The following CEP170B variants were observed in gnomAD, a reference collection of about 807,000 sequenced individuals.
CEP170B encodes centrosomal protein of 170 kDa protein B.
A neutral mutation model predicts 120.6 loss-of-function variants in CEP170B; 55 were observed. The ratio of observed to expected loss-of-function variants is 0.46; its 90% CI spans 0.37 to 0.57. The LOEUF (loss-of-function observed/expected upper bound fraction) is 0.57. CEP170B is among the 20% of genes least tolerant of loss of function. The probability of loss-of-function intolerance (pLI) is 0.00; values close to 1 mark genes in which losing one functional copy is unlikely to be tolerated. For synonymous variants in CEP170B, 1,033 were observed against 954.5 expected, an observed-to-expected ratio of 1.08 and a Z score of -1.52; for missense variants, 2,212 against 2,253.3, an observed-to-expected ratio of 0.98 and a Z score of 0.37.
At position 104,883,062 on chromosome 14, in the gene CEP170B, A is replaced by T. The variant is rs1435410800; in HGVS notation, c.605A>T (p.Asp202Val). ...PERPKGPVQQ[D>V]GELHGFRAPA... ...CGCCCCAAGGGACCAGTGCAGCAGG[A>T]CGGGGAGCTCCACGGCTTCCGCGCC... The change falls in exon 8 of 19, where the codon GAC becomes GTC. Residue 202 changes from aspartate to valine, a missense_variant. Physicochemically the swap from Asp to Val is radical, Grantham distance 152 (BLOSUM62 -3). This residue lies in a region of CEP170B where 2,166 missense variants were observed against 2,166.7 expected (regional missense o/e 1.00). Transcript: ENST00000414716. 3 of 1,547,634 alleles carry T rather than the reference A, an allele frequency of 1.9e-6. No individual in the cohort carries two copies. Among genetic ancestry groups the T allele is most frequent in the Non-Finnish European group, 2.6e-6 (3 of 1,149,842 alleles).
At chr14:104,869,500 C>T (rs910341658) in intron 2 of CEP170B, among the ~76,000 whole-genome samples, 2 of 152,190 alleles carry the variant, frequency 1.3e-5, no homozygotes, top group Non-Finnish European at 1.5e-5. Context: ...CTGGGGCAGA[C>T]AGTGTTTGTC....
In CEP170B at chr14:104,878,433, A is replaced by G. The variant is rs774932129; in HGVS notation, c.275-10A>G. ...TCTTCTGCTCTGTGTTCGCCTTAAC[A>G]CGTGTCCACATTCCAACATGTATGT... On this transcript the variant is annotated splice_polypyrimidine_tract_variant and intron_variant, in intron 4 of 18. Transcript: ENST00000414716. The G allele has an allele frequency of 3.7e-6, 6 of 1,612,340 alleles. No individual in the cohort carries two copies. In the African/African-American group the frequency reaches 8.0e-5, roughly 22 times the overall value.
At chr14:104,885,223 C>T in intron 9 of CEP170B, 146 bp from the exon 10 acceptor site, 1 of 861,222 alleles carries the variant, frequency 1.2e-6, no homozygotes, top group Middle Eastern at 3.6e-4. Context: ...GTCCTGCTGA[C>T]AGCCAGGCTG....
At position 104,868,700 on chromosome 14, in the gene CEP170B, T is replaced by TA; in HGVS notation, c.105+145_105+146insA. ...CCCAGGCTGGGCCTCTTAACTTGGG[T>TA]CCCGGATGCACCGAGGGCTCTGGGG... On this transcript the variant is annotated intron_variant, in intron 2 of 18. Coordinates refer to ENST00000414716, the MANE Select transcript of CEP170B (RefSeq NM_001112726.3). This position sits in a 1 kb window ranked among gnomAD's most constrained non-coding sequence, Gnocchi z 5.9. 1.3e-6 allele frequency: 1 copy of TA among 769,244 alleles called. No individual in the cohort carries two copies. Among genetic ancestry groups the TA allele is most frequent in the South Asian group, 1.8e-5 (1 of 55,610 alleles). The allele number at this position is 769,244 out of a possible 1,614,324, so 47.7% of individuals were successfully genotyped here.
chr14:104,888,019 G>A, intron 12 of CEP170B, 41 bp downstream of exon 12: 1 of 1,447,450 alleles, frequency 6.9e-7, no homozygotes, highest in Non-Finnish European at 9.1e-7. Context: ...CCAAGACAGG[G>A]CTGCCAGTGG....
intron 10 of CEP170B, 134 bp from the exon 11 acceptor site, chr14:104,885,906 T>G: frequency 1.2e-6 from 1 of 811,396 alleles, no homozygotes; most frequent in Middle Eastern, 2.4e-4. Context: ...CGCTTGCTCA[T>G]GCGGCAGGCC....
Position 104,893,034 on chromosome 14 carries a change from G to A in CEP170B, c.3937G>A (p.Ala1313Thr). The A allele has an allele frequency of 4.4e-6, 7 of 1,590,932 alleles. No individual in the cohort carries two copies. The highest frequency in any genetic ancestry group is 6.0e-6 in the Non-Finnish European group (7 of 1,170,434). Residue 1313 changes from alanine to threonine, a missense_variant, in exon 14 of 19, where the codon GCT becomes ACT. This residue lies in a region of CEP170B where 2,166 missense variants were observed against 2,166.7 expected (regional missense o/e 1.00). Coordinates refer to ENST00000414716, the MANE Select transcript of CEP170B (RefSeq NM_001112726.3). The part of the protein sequence containing the change: ...AILAQEIHDV[A>T]GDGDTLGSSE... ...CCTAGCCCAGGAGATCCACGATGTG[G>A]CTGGGGACGGTGACACACTGGGCTC...
Position 104,894,374 on chromosome 14 carries a change from A to G in CEP170B, c.4361A>G (p.Asn1454Ser). 1 of 1,613,154 alleles carries G rather than the reference A, an allele frequency of 6.2e-7. No homozygotes were observed. ...ENEVPILKTS[N>S]KEISSILKEL... ...GAGGTGCCCATCCTGAAGACATCTA[A>G]CAAGGTGAGCGCTGGGGCCCCGTGC... The change falls in exon 17 of 19, where the codon AAC (asparagine) becomes AGC (serine). Residue 1454 changes from asparagine (N) to serine (S), a missense_variant. Physicochemically the swap from Asn to Ser is conservative, Grantham distance 46. Around this residue, in one of 2 missense-constraint regions of CEP170B, gnomAD observed 2,166 missense variants for 2,166.7 expected, o/e 1.00. Transcript: ENST00000414716.
chr14:104,889,071 T>A (rs1471588219), intron 12 of CEP170B, among the ~76,000 whole-genome samples: 1 of 152,166 alleles, frequency 6.6e-6, no homozygotes, highest in East Asian at 1.9e-4. Context: ...TCTGACAAAC[T>A]CAAGCAGGCA....
intron 16 of CEP170B, 144 bp from the exon 17 acceptor site, chr14:104,894,141 A>G: frequency 1.4e-6 from 1 of 697,854 alleles, no homozygotes; most frequent in Non-Finnish European, 2.5e-6. Context: ...GGTGCCCTTC[A>G]TGCATCAGGC....
rs62641742 is a variant in CEP170B at position 104,892,956 on chromosome 14, G to A, written c.3879-20G>A. On this transcript the variant is annotated intron_variant, in intron 13 of 18. Transcript: ENST00000414716. ...CGACTTCCTCTGTGCAGAACCTGCC[G>A]TCTTTCCTGCCGGCTGCAGGCTGAG... 7,267 of 1,554,032 alleles carry A rather than the reference G, an allele frequency of 4.7e-3. 298 individuals carry two copies. The African/African-American group carries it at 0.087, about 19-fold the overall frequency.
rs558639086 is a variant in CEP170B at position 104,889,616 on chromosome 14, A to G, written c.3740-4A>G. The G allele has an allele frequency of 2.1e-4, 341 of 1,609,966 alleles. 2 individuals carry two copies. The highest frequency in any genetic ancestry group is 2.7e-4 in the Non-Finnish European group (321 of 1,179,630). ...CAAACACACACGCTCCCACACCTCAACAGCCACTCAGACCCCGAGGGCTGG... is the reference window on the plus strand; with the variant it reads ...CAAACACACACGCTCCCACACCTCAGCAGCCACTCAGACCCCGAGGGCTGG... On this transcript the variant is annotated splice_polypyrimidine_tract_variant and splice_region_variant and intron_variant, in intron 12 of 18. Coordinates refer to ENST00000414716, the MANE Select transcript of CEP170B (RefSeq NM_001112726.3).
In CEP170B at chr14:104,887,956, A is replaced by G. The variant is rs2582548; in HGVS notation, c.3717A>G (p.Ser1239=). ...GPRQPFSRAR[S]GSARYTSTTQ... ...GCCAGCCCTTCAGCAGGGCCCGCTC[A>G]GGCAGTGCCCGATACACCTCCAGTG... The change falls in exon 12 of 19, where the codon TCA becomes TCG. Residue 1239 remains serine (S), a synonymous_variant. Coordinates refer to ENST00000414716, the MANE Select transcript of CEP170B (RefSeq NM_001112726.3). The G allele has an allele frequency of 0.74, 1,126,705 of 1,521,516 alleles. 427,457 individuals carry two copies. The highest frequency in any genetic ancestry group is 0.82 in the Middle Eastern group (4,744 of 5,784). The allele number at this position is 1,521,516 out of a possible 1,614,324, so 94.3% of individuals were successfully genotyped here.
intron 5 of CEP170B, among the ~76,000 whole-genome samples, chr14:104,879,512 C>T (rs754937591): frequency 1.3e-5 from 2 of 152,160 alleles, no homozygotes; most frequent in African/African-American, 2.4e-5. Flanking sequence ...TTTTACGCTG[C>T]ACGACCAAGG....
Position 104,895,159 on chromosome 14 carries a change from C to A in CEP170B, c.*201C>A. On this transcript the variant is annotated 3_prime_UTR_variant, in exon 19 of 19. Transcript: ENST00000414716. Reference sequence around the variant, plus strand: ...CTACTCACCCTGTCCAGCCCCATGGCCACCCCCACCCCTGCCTCGCCCCCT... The same window carrying A: ...CTACTCACCCTGTCCAGCCCCATGGACACCCCCACCCCTGCCTCGCCCCCT... 1 of 568,384 alleles carries A rather than the reference C, an allele frequency of 1.8e-6. No homozygotes were observed. The highest frequency in any genetic ancestry group is 3.0e-6 in the Non-Finnish European group (1 of 334,858). 35.2% of individuals were successfully genotyped at this position (568,384 alleles called of 1,614,324 possible). A position where few individuals can be genotyped will look rare whatever the true frequency, so the allele number is the denominator to read the frequency against.
intron 13 of CEP170B, among the ~76,000 whole-genome samples, chr14:104,892,293 G>A (rs1165057731): frequency 6.6e-6 from 1 of 152,154 alleles, no homozygotes; most frequent in Non-Finnish European, 1.5e-5. Flanking sequence ...CCCTGTCCTC[G>A]CTGGGAAGTG....
chr14:104,880,954 T>C (rs2140677387), intron 6 of CEP170B, among the ~76,000 whole-genome samples: 1 of 152,328 alleles, frequency 6.6e-6, no homozygotes, highest in African/African-American at 2.4e-5. Context: ...CACCTACCTG[T>C]GCACGCCTGC....
chr14:104,884,009 C>T lies in CEP170B; in HGVS notation c.1230C>T (p.Asp410=), dbSNP rs745392077. 189 of 1,610,930 alleles carry T rather than the reference C, an allele frequency of 1.2e-4. No individual in the cohort carries two copies. Among genetic ancestry groups the T allele is most frequent in the Non-Finnish European group, 1.4e-4 (170 of 1,179,008 alleles). ...AGGCCTTTGTCATCGAGTTCTTCGA[C>T]GAGGACACACCCCGAAAGAAGCGCT... ...NQQAFVIEFF[D]EDTPRKKRSQ... is the part of the protein sequence containing the mutation. The change falls in exon 9 of 19, where the codon GAC becomes GAT. Residue 410 remains aspartate, a synonymous_variant. Coordinates refer to ENST00000414716, the MANE Select transcript of CEP170B (RefSeq NM_001112726.3).
intron 2 of CEP170B, 28 bp from the exon 3 acceptor site, chr14:104,876,228 C>T (rs773244578): frequency 9.7e-6 from 15 of 1,549,402 alleles, no homozygotes; most frequent in South Asian, 2.4e-5. Flanking sequence ...CCCTGGAGCA[C>T]CTGAGGGCTG....
Sources: allele counts gnomAD v4.1 joint callset (sites outside exome capture counted in the v4.1 genomes callset), GRCh38; gene constraint gnomAD v4.1.1; regional missense constraint gnomAD v4.1.1; non-coding constraint Gnocchi (gnomAD v3.1); transcripts MANE v1.5; gene names NCBI Gene and HGNC (gene_info 2026-07-23, HGNC 2026-07-21).